Variants in GRIN2A observed in about 807,000 individuals in gnomAD.
The protein encoded by GRIN2A is glutamate receptor ionotropic, NMDA 2A.
In GRIN2A, 22 loss-of-function variants were observed where a neutral mutation model predicts 113.4. That is an observed-to-expected ratio of 0.19 (90% CI 0.14 to 0.28). The LOEUF (loss-of-function observed/expected upper bound fraction) is 0.28. Among genes scored for constraint, GRIN2A ranks in the 10% least tolerant of loss-of-function variants. The pLI, the probability that GRIN2A is intolerant of heterozygous loss-of-function variation, is 1.00. For synonymous variants in GRIN2A, 827 were observed against 738.4 expected (o/e 1.12, Z -1.94); for missense variants, 1,502 against 1,887.0 (o/e 0.80, Z 3.78).
chr16:9,772,119 G>A (rs1353334161), intron 11 of GRIN2A, among the ~76,000 whole-genome samples: 2 of 152,056 alleles, frequency 1.3e-5, no homozygotes, highest in African/African-American at 4.8e-5. Context: ...GTAGGTAAAG[G>A]GATGAGAAGA....
At chr16:10,079,306 C>T (rs938103125) in intron 2 of GRIN2A, among the ~76,000 whole-genome samples, 4 of 152,196 alleles carry the variant, frequency 2.6e-5, no homozygotes, top group African/African-American at 7.2e-5. Flanking sequence ...TAGGAGAGAA[C>T]TGACTGGGTA....
chr16:9,926,043 G>A (rs370588769), intron 3 of GRIN2A, among the ~76,000 whole-genome samples: 6 of 152,184 alleles, frequency 3.9e-5, no homozygotes, highest in East Asian at 1.9e-4. Flanking sequence ...ATGTCATAAC[G>A]CCACTGCACA....
chr16:10,055,940 T>A (rs1472893622), intron 2 of GRIN2A, among the ~76,000 whole-genome samples: 1 of 152,194 alleles, frequency 6.6e-6, no homozygotes, highest in East Asian at 1.9e-4. Context: ...AACATTTAAG[T>A]TCTTTCTCAG....
At chr16:10,101,454 G>A (rs945570555) in intron 2 of GRIN2A, among the ~76,000 whole-genome samples, 3 of 152,196 alleles carry the variant, frequency 2.0e-5, no homozygotes, top group African/African-American at 7.2e-5. Flanking sequence ...GAGCGCCGTG[G>A]AAGAGAACAG....
intron 2 of GRIN2A, among the ~76,000 whole-genome samples, chr16:10,099,582 G>C (rs2048354391): frequency 6.6e-6 from 1 of 152,124 alleles, no homozygotes; most frequent in Non-Finnish European, 1.5e-5. Context: ...TGTCCTCTGA[G>C]AGTAGGACGG....
chr16:9,909,518 T>C (rs1220854761), intron 3 of GRIN2A, among the ~76,000 whole-genome samples: 1 of 152,240 alleles, frequency 6.6e-6, no homozygotes, highest in Non-Finnish European at 1.5e-5. Context: ...ATATGAATTT[T>C]CCATTTTATT....
intron 2 of GRIN2A, among the ~76,000 whole-genome samples, chr16:10,104,122 AT>A (rs1399669676): frequency 2.0e-5 from 3 of 152,214 alleles, no homozygotes; most frequent in Non-Finnish European, 2.9e-5. Context: ...AAGGGTTGTT[AT>A]TTTTTCTCTA....
chr16:9,802,907 C>T (rs551549542), intron 10 of GRIN2A, among the ~76,000 whole-genome samples: 2 of 152,100 alleles, frequency 1.3e-5, no homozygotes, highest in Non-Finnish European at 2.9e-5. Flanking sequence ...CTGTGGCAAG[C>T]AAGGGGAAGG....
intron 2 of GRIN2A, among the ~76,000 whole-genome samples, chr16:10,154,260 C>T (rs1359829454): frequency 1.3e-5 from 2 of 152,114 alleles, no homozygotes; most frequent in Non-Finnish European, 2.9e-5. Context: ...TCGGTGGGCA[C>T]GTTGCATGAA....
intron 2 of GRIN2A, among the ~76,000 whole-genome samples, chr16:9,970,476 T>G (rs1174233902): frequency 6.6e-6 from 1 of 152,144 alleles, no homozygotes; most frequent in Non-Finnish European, 1.5e-5. Context: ...AAAGTGCTTT[T>G]GAGATATGGA....
At chr16:10,052,111 C>A (rs920466687) in intron 2 of GRIN2A, among the ~76,000 whole-genome samples, 1 of 152,152 alleles carries the variant, frequency 6.6e-6, no homozygotes, top group Non-Finnish European at 1.5e-5. Context: ...GGCACACATG[C>A]CCAAAACATT....
chr16:10,082,668 G>C (rs2048007084), intron 2 of GRIN2A, among the ~76,000 whole-genome samples: 1 of 152,124 alleles, frequency 6.6e-6, no homozygotes, highest in Non-Finnish European at 1.5e-5. Context: ...CTCCATCACT[G>C]GTTTTGAAGA....
rs12924396 is a variant in GRIN2A at position 9,976,428 on chromosome 16, G to T, written c.415-37877C>A. ...CCTGTAACCAAACAAGTTGCTGCCA[G>T]ATCCCGGTGTTCTGATCCTTTGTTG... On this transcript the variant is annotated intron_variant, in intron 2 of 12. Transcript: ENST00000330684. 2.6e-5 allele frequency among the ~76,000 whole-genome samples: 4 copies of T among 151,980 alleles called. No individual in the cohort carries two copies. The East Asian group carries it at 7.7e-4, about 29-fold the overall frequency.
At chr16:9,838,400 A>T (rs9928990) in intron 7 of GRIN2A, among the ~76,000 whole-genome samples, 8,220 of 152,250 alleles carry the variant, frequency 0.054, 742 homozygotes, top group African/African-American at 0.19. Flanking sequence ...TCAACCTATG[A>T]GCCCATCAAC....
intron 2 of GRIN2A, among the ~76,000 whole-genome samples, chr16:10,040,840 G>C (rs1208969353): frequency 6.6e-6 from 1 of 152,268 alleles, no homozygotes; most frequent in East Asian, 1.9e-4. Flanking sequence ...CAGCTGTGGG[G>C]GAGGCTGGCA....
In GRIN2A at chr16:9,756,969, C is replaced by T. The variant is rs961703607; in HGVS notation, c.*6180G>A. The T allele has an allele frequency of 5.2e-6, 1 of 192,660 alleles. No individual in the cohort carries two copies. The highest frequency in any genetic ancestry group is 1.1e-5 in the Non-Finnish European group (1 of 92,138). The allele number at this position is 192,660 out of a possible 1,614,324, so 11.9% of individuals were successfully genotyped here. A position where few individuals can be genotyped will look rare whatever the true frequency, so the allele number is the denominator to read the frequency against. On this transcript the variant is annotated 3_prime_UTR_variant, in exon 13 of 13. Transcript: ENST00000330684. ...TGGAACTTGATAAAGAATTTTCCCTCTATGCTTCCCTGATACATTCATACC... is the reference window on the plus strand; with the variant it reads ...TGGAACTTGATAAAGAATTTTCCCTTTATGCTTCCCTGATACATTCATACC...
intron 3 of GRIN2A, among the ~76,000 whole-genome samples, chr16:9,934,429 C>T (rs979978949): frequency 6.6e-6 from 1 of 151,922 alleles, no homozygotes; most frequent in Non-Finnish European, 1.5e-5. Flanking sequence ...GCCTGTAATC[C>T]CAGCACTTTG....
At position 9,973,802 on chromosome 16, in the gene GRIN2A, T is replaced by G. The variant is rs576965950; in HGVS notation, c.415-35251A>C. ...AGTGCTGGGGGGAAAAAAAACAAATTCTATAATTAGTGAAAATGCCCTTCA... is the reference window on the plus strand; with the variant it reads ...AGTGCTGGGGGGAAAAAAAACAAATGCTATAATTAGTGAAAATGCCCTTCA... On this transcript the variant is annotated intron_variant, in intron 2 of 12. Transcript: ENST00000330684. 1.8e-4 allele frequency among the ~76,000 whole-genome samples: 27 copies of G among 152,032 alleles called. 1 individual carries two copies. In the South Asian group the frequency reaches 5.0e-3, roughly 28 times the overall value.
chr16:9,902,170 C>T (rs1002228100), intron 3 of GRIN2A, among the ~76,000 whole-genome samples: 1 of 152,090 alleles, frequency 6.6e-6, no homozygotes, highest in Non-Finnish European at 1.5e-5. Flanking sequence ...ACAGAACCTC[C>T]AATAATAAAG....
Sources: gnomAD v4.1 joint callset for allele counts (sites outside exome capture counted in the v4.1 genomes callset) on GRCh38, gnomAD v4.1.1 for gene constraint, MANE v1.5 for transcripts, NCBI Gene and HGNC (gene_info 2026-07-23, HGNC 2026-07-21) for gene names.